The following ADGRG5 variants were observed in gnomAD, a reference collection of about 807,000 sequenced individuals.
ADGRG5 encodes adhesion G protein-coupled receptor G5.
Under a neutral mutation model 53.2 loss-of-function variants are expected in ADGRG5, and 37 were observed. The observed-to-expected ratio is 0.70, with a 90% CI of 0.53 to 0.91. The LOEUF is 0.91. ADGRG5 is among the 40% of genes least tolerant of loss of function. ADGRG5 has a pLI of 0.00. For missense variants in ADGRG5, 614 were observed against 675.8 expected (o/e 0.91, Z 1.01); for synonymous variants, 277 against 290.4 (o/e 0.95, Z 0.47).
chr16:57,541,979 C>T (rs1383872150), upstream of ADGRG5, among the ~76,000 whole-genome samples: 15 of 152,210 alleles, frequency 9.9e-5, no homozygotes, highest in African/African-American at 3.6e-4. Context: ...GGCCCAGGTC[C>T]TCTCTGGGCT....
chr16:57,538,873 C>G (rs2032447857), upstream of ADGRG5, among the ~76,000 whole-genome samples: 1 of 152,144 alleles, frequency 6.6e-6, no homozygotes, highest in Non-Finnish European at 1.5e-5. Flanking sequence ...TATCTTAAAG[C>G]CTATTTCATA....
intron 1 of ADGRG5, among the ~76,000 whole-genome samples, chr16:57,557,024 G>A (rs534915417): frequency 2.0e-5 from 3 of 149,306 alleles, no homozygotes; most frequent in South Asian, 2.1e-4. Context: ...ATCCTCCAGC[G>A]TTAGCCTCCT....
chr16:57,539,717 A>G (rs1385720643), upstream of ADGRG5, among the ~76,000 whole-genome samples: 2 of 151,886 alleles, frequency 1.3e-5, no homozygotes, highest in Non-Finnish European at 1.5e-5. Context: ...CTTTGTCCAA[A>G]GTGTTGGGAT....
In ADGRG5 at chr16:57,562,406, C is replaced by G. The variant is rs115132653; in HGVS notation, c.87C>G (p.Ser29Arg). 1,236 of 1,607,896 alleles carry G rather than the reference C, an allele frequency of 7.7e-4. 1 individual carries two copies. The highest frequency in any genetic ancestry group is 9.2e-4 in the Non-Finnish European group (1,085 of 1,177,648). ...ATTETWEELL[S>R]YMENMQVSRG... is the part of the protein sequence containing the mutation. Reference sequence around the variant, plus strand: ...CAGAGACATGGGAAGAACTCCTGAGCTACATGGAGAATATGCAGGTGTCCA... The same window carrying G: ...CAGAGACATGGGAAGAACTCCTGAGGTACATGGAGAATATGCAGGTGTCCA... The change falls in exon 3 of 12, where the codon AGC becomes AGG. Residue 29 changes from serine to arginine, a missense_variant. Transcript: ENST00000349457.
chr16:57,563,167 A>G lies in ADGRG5; in HGVS notation c.217A>G (p.Ile73Val). The change falls in exon 4 of 12, where the codon ATC becomes GTC. Residue 73 changes from isoleucine to valine, a missense_variant. Coordinates refer to ENST00000349457, the MANE Select transcript of ADGRG5 (RefSeq NM_001304376.3). ...CAACCTGACCTTGCAGACACCCACC[A>G]TCCAGTCTCTGGCCTTCAAGCTGAG... ...GYNLTLQTPTIQSLAFKLSCD... is the reference protein window; with the variant it reads ...GYNLTLQTPTVQSLAFKLSCD... The G allele has an allele frequency of 6.2e-7, 1 of 1,614,096 alleles. No homozygotes were observed. The highest frequency in any genetic ancestry group is 8.5e-7 in the Non-Finnish European group (1 of 1,179,968).
chr16:57,550,907 A>C (rs1448713097), intron 1 of ADGRG5, among the ~76,000 whole-genome samples: 6 of 152,266 alleles, frequency 3.9e-5, no homozygotes, highest in African/African-American at 1.4e-4. Flanking sequence ...GTGTGCCTGT[A>C]ATCCCATCTA....
chr16:57,546,868 G>A (rs761714189), intron 1 of ADGRG5, among the ~76,000 whole-genome samples: 13 of 152,076 alleles, frequency 8.5e-5, no homozygotes, highest in South Asian at 4.1e-4. Flanking sequence ...ACAGGTGTGC[G>A]CCACCATGCC....
chr16:57,531,881 C>T, the ADGRG5 span, among the ~76,000 whole-genome samples: 4 of 152,146 alleles, frequency 2.6e-5, no homozygotes, highest in Admixed American at 2.6e-4. Context: ...TGGAGCCAGG[C>T]ATTGGAGGTC....
At chr16:57,539,820 GTATA>G (rs10577278), upstream of ADGRG5, among the ~76,000 whole-genome samples, 6,048 of 150,742 alleles carry the variant, frequency 0.04, 378 homozygotes, top group African/African-American at 0.14. Context: ...GTGTGTGCGT[GTATA>G]TATATATATA....
chr16:57,548,314 C>T (rs1340466583), intron 1 of ADGRG5, among the ~76,000 whole-genome samples: 1 of 151,724 alleles, frequency 6.6e-6, no homozygotes, highest in Non-Finnish European at 1.5e-5. Context: ...GTTTTGTATA[C>T]CCTTCACTTA....
chr16:57,574,511 G>C lies in ADGRG5; in HGVS notation c.1209-304G>C, dbSNP rs1022515846. Among the ~76,000 whole-genome samples the C allele has an allele frequency of 1.3e-5, 2 of 152,264 alleles. No homozygotes were observed. The highest frequency in any genetic ancestry group is 2.9e-5 in the Non-Finnish European group (2 of 68,044). On this transcript the variant is annotated intron_variant, in intron 10 of 11. Coordinates refer to ENST00000349457, the MANE Select transcript of ADGRG5 (RefSeq NM_001304376.3). This position sits in a 1 kb window ranked among gnomAD's most constrained non-coding sequence, Gnocchi z 4.4. ...TTGGGCTGGCCATGGAAGCAGAGAG[G>C]AGTGAGATGTGGAAAGGAGAGAGGA...
chr16:57,531,225 C>T, the ADGRG5 span, among the ~76,000 whole-genome samples: 6 of 152,018 alleles, frequency 3.9e-5, no homozygotes, highest in Non-Finnish European at 7.4e-5. Context: ...CTTGCTGCCT[C>T]CATTCCCCCC....
intron 1 of ADGRG5, among the ~76,000 whole-genome samples, chr16:57,549,016 T>C (rs1175670677): frequency 2.0e-5 from 3 of 152,220 alleles, no homozygotes; most frequent in Non-Finnish European, 4.4e-5. Context: ...TATAAGAAAC[T>C]GTCGAACTGT....
the ADGRG5 span, chr16:57,529,363 G>T: frequency 1.3e-6 from 1 of 765,160 alleles, no homozygotes; most frequent in Non-Finnish European, 1.7e-6. The surrounding 1 kb of genome is among the most constrained non-coding windows in gnomAD (Gnocchi z 4.1). Flanking sequence ...TGCGACCACC[G>T]TCAGTCTCGA....
intron 1 of ADGRG5, among the ~76,000 whole-genome samples, chr16:57,554,731 CTTTTTA>C (rs1172960194): frequency 1.3e-5 from 2 of 152,076 alleles, no homozygotes; most frequent in African/African-American, 2.4e-5. Context: ...GTTTGCTCTT[CTTTTTA>C]TATTTATTAA....
chr16:57,566,540 A>G lies in ADGRG5; in HGVS notation c.547-59A>G, dbSNP rs533557099. 19 of 1,362,320 alleles carry G rather than the reference A, an allele frequency of 1.4e-5. 1 individual carries two copies. In the East Asian group the frequency reaches 4.7e-4, roughly 34 times the overall value. The allele number at this position is 1,362,320 out of a possible 1,614,324, so 84.4% of individuals were successfully genotyped here. On this transcript the variant is annotated intron_variant, in intron 6 of 11. Transcript: ENST00000349457. ...GTCACCGTTGGCCCCCAGGACTCCC[A>G]GACACTGATCTGCAGCCTTTCCTCT...
chr16:57,563,932 G>A lies in ADGRG5; in HGVS notation c.382G>A (p.Glu128Lys). 1.2e-6 allele frequency: 2 copies of A among 1,614,078 alleles called. No homozygotes were observed. The highest frequency in any genetic ancestry group is 1.7e-6 in the Non-Finnish European group (2 of 1,179,966). The change falls in exon 5 of 12, where the codon GAG (glutamate) becomes AAG (lysine). Residue 128 changes from glutamate (E) to lysine (K), a missense_variant. Coordinates refer to ENST00000349457, the MANE Select transcript of ADGRG5 (RefSeq NM_001304376.3). The stretch of plus-strand genomic sequence containing the variant: ...GGACGCCTGCAAGACCCGCCCCAGG[G>A]AGCTGCGGCTCATCTGTATCTACTT... ...TRDACKTRPR[E>K]LRLICIYFSN...
chr16:57,564,047 T>TA (rs2033070730), intron 5 of ADGRG5, 68 bp downstream of exon 5: 10 of 1,537,848 alleles, frequency 6.5e-6, no homozygotes, highest in Non-Finnish European at 8.9e-6. Flanking sequence ...CAGGTGCCCA[T>TA]GTCACTGCCT....
At chr16:57,566,533 G>T (rs777321662) in intron 6 of ADGRG5, 66 bp from the exon 7 acceptor site, 72 of 1,315,174 alleles carry the variant, frequency 5.5e-5, no homozygotes, top group Middle Eastern at 2.0e-4. Flanking sequence ...TGGCCCCCAG[G>T]ACTCCCAGAC....
Sources: gnomAD v4.1 joint callset for allele counts (sites outside exome capture counted in the v4.1 genomes callset) on GRCh38, gnomAD v4.1.1 for gene constraint, Gnocchi (gnomAD v3.1) non-coding constraint, MANE v1.5 for transcripts, NCBI Gene and HGNC (gene_info 2026-07-23, HGNC 2026-07-21) for gene names.